Variants in LRRTM2 observed in about 807,000 individuals in gnomAD.
LRRTM2 encodes leucine-rich repeat transmembrane neuronal protein 2.
Under a neutral mutation model 40.7 loss-of-function variants are expected in LRRTM2, and 14 were observed. That is an observed-to-expected ratio of 0.34 (90% CI 0.23 to 0.54). The LOEUF (loss-of-function observed/expected upper bound fraction) is 0.54. LRRTM2 is among the 20% of genes least tolerant of loss of function. The probability of loss-of-function intolerance (pLI) is 0.92; values close to 1 mark genes in which losing one functional copy is unlikely to be tolerated. For synonymous variants in LRRTM2, 223 were observed against 237.6 expected (o/e 0.94, Z 0.57); for missense variants, 468 against 624.4 (o/e 0.75, Z 2.67).
rs1484594740 is a variant in LRRTM2 at position 138,870,751 on chromosome 5, A to G, written c.*2259T>C. The stretch of plus-strand genomic sequence containing the variant: ...TGACCAAGCTGTCTGTCACCTGACA[A>G]ATGGCAATGGTCATCCTGATAAATG... On this transcript the variant is annotated 3_prime_UTR_variant, in exon 2 of 2. Coordinates refer to ENST00000274711, the MANE Select transcript of LRRTM2 (RefSeq NM_015564.3). The G allele has an allele frequency of 6.6e-6, 1 of 152,194 alleles. No individual in the cohort carries two copies. The highest frequency in any genetic ancestry group is 1.5e-5 in the Non-Finnish European group (1 of 68,040). 9.4% of individuals were successfully genotyped at this position (152,194 alleles called of 1,614,324 possible).
Position 138,874,018 on chromosome 5 carries a change from A to T in LRRTM2, c.543T>A (p.Arg181=). 6.2e-7 allele frequency: 1 copy of T among 1,614,022 alleles called. No homozygotes were observed. The highest frequency in any genetic ancestry group is 8.5e-7 in the Non-Finnish European group (1 of 1,179,888). Reference sequence around the variant, plus strand: ...TGCTCAAATCCAGAAACTCCAGACTACGACAGTCCCAGAACAGGCGTACTG... The same window carrying T: ...TGCTCAAATCCAGAAACTCCAGACTTCGACAGTCCCAGAACAGGCGTACTG... ...TIPVRLFWDC[R]SLEFLDLSTN... Residue 181 remains arginine (R), a synonymous_variant, in exon 2 of 2, where the codon CGT becomes CGA. Coordinates refer to ENST00000274711, the MANE Select transcript of LRRTM2 (RefSeq NM_015564.3). The surrounding 1 kb of genome is among the most constrained non-coding windows in gnomAD (Gnocchi z 4.1).
Position 138,874,926 on chromosome 5 carries a change from T to G in LRRTM2, c.-15A>C. Reference sequence around the variant, plus strand: ...GACTTACCCATTCTTCTGAGCACATTGGAGGCTGCATTCAGTCGCGGTTGT... The same window carrying G: ...GACTTACCCATTCTTCTGAGCACATGGGAGGCTGCATTCAGTCGCGGTTGT... On this transcript the variant is annotated 5_prime_UTR_variant, in exon 1 of 2. Transcript: ENST00000274711. The surrounding 1 kb of genome is among the most constrained non-coding windows in gnomAD (Gnocchi z 4.1). 6.2e-7 allele frequency: 1 copy of G among 1,613,698 alleles called. No individual in the cohort carries two copies. The highest frequency in any genetic ancestry group is 8.5e-7 in the Non-Finnish European group (1 of 1,179,756).
Position 138,873,592 on chromosome 5 carries a change from G to T in LRRTM2, c.969C>A (p.Ala323=), listed in dbSNP as rs145134809. 2.9e-4 allele frequency: 464 copies of T among 1,613,972 alleles called. 1 individual carries two copies. In the East Asian group the frequency reaches 9.7e-3, roughly 34 times the overall value. ...WECSARICAL[A]SWLGSFQGRW... ...GACCTTGGAAACTGCCCAGCCAGGA[G>T]GCCAGAGCACATATTCGGGCGCTGC... Residue 323 remains alanine, a synonymous_variant, in exon 2 of 2, where the codon GCC becomes GCA. Transcript: ENST00000274711. The surrounding 1 kb of genome is among the most constrained non-coding windows in gnomAD (Gnocchi z 6.1).
At position 138,873,234 on chromosome 5, in the gene LRRTM2, T is replaced by A; in HGVS notation, c.1327A>T (p.Ile443Phe). 2 of 1,613,832 alleles carry A rather than the reference T, an allele frequency of 1.2e-6. No individual in the cohort carries two copies. Among genetic ancestry groups the A allele is most frequent in the Non-Finnish European group, 1.7e-6 (2 of 1,179,782 alleles). ...SFFFIIFIVF[I>F]SRKCCPPTLR... ...GTGGGAGGGCAGCACTTCCTGGAGA[T>A]GAACACTATAAAAATAATAAAAAAG... The change falls in exon 2 of 2, where the codon ATC (isoleucine) becomes TTC (phenylalanine). Residue 443 changes from isoleucine (I) to phenylalanine (F), a missense_variant. By Grantham distance (21) the Ile-to-Phe change is conservative (BLOSUM62 0). Coordinates refer to ENST00000274711, the MANE Select transcript of LRRTM2 (RefSeq NM_015564.3). This position sits in a 1 kb window ranked among gnomAD's most constrained non-coding sequence, Gnocchi z 6.1.
rs1750727861 is a variant in LRRTM2, at chr5:138,872,170, A to G, written c.*840T>C. The stretch of plus-strand genomic sequence containing the variant: ...TAAATCTTTTTTCACATATTAATGT[A>G]AACATAGGATTTAGTACATTAATTA... On this transcript the variant is annotated 3_prime_UTR_variant, in exon 2 of 2. Coordinates refer to ENST00000274711, the MANE Select transcript of LRRTM2 (RefSeq NM_015564.3). The G allele has an allele frequency of 6.6e-6, 1 of 152,632 alleles. No individual in the cohort carries two copies. Among genetic ancestry groups the G allele is most frequent in the African/African-American group, 2.4e-5 (1 of 41,450 alleles). 9.5% of individuals were successfully genotyped at this position (152,632 alleles called of 1,614,324 possible).
chr5:138,874,258 T>C lies in LRRTM2; in HGVS notation c.303A>G (p.Lys101=). The C allele has an allele frequency of 6.2e-7, 1 of 1,614,044 alleles. No individual in the cohort carries two copies. Among genetic ancestry groups the C allele is most frequent in the African/African-American group, 1.3e-5 (1 of 75,062 alleles). Residue 101 remains lysine (K), a synonymous_variant, in exon 2 of 2, where the codon AAA becomes AAG. Coordinates refer to ENST00000274711, the MANE Select transcript of LRRTM2 (RefSeq NM_015564.3). This position sits in a 1 kb window ranked among gnomAD's most constrained non-coding sequence, Gnocchi z 4.1. ...HLDHNQISTV[K]EDAFQGLYKL... ...TATATAGTCCTTGAAAAGCATCTTC[T>C]TTTACTGTTGAAATTTGATTGTGAT... is the stretch of plus-strand genomic sequence containing the variant.
chr5:138,871,899 C>T lies in LRRTM2; in HGVS notation c.*1111G>A, dbSNP rs929394452. 1.4e-4 allele frequency: 21 copies of T among 151,960 alleles called. No individual in the cohort carries two copies. Among genetic ancestry groups the T allele is most frequent in the African/African-American group, 4.8e-4 (20 of 41,358 alleles). The allele number at this position is 151,960 out of a possible 1,614,324, so 9.4% of individuals were successfully genotyped here. Reference sequence around the variant, plus strand: ...AATACAATAAGAATCAGTGTTAAGCCTGTTGCTAGCCAATTATTTTTAACT... The same window carrying T: ...AATACAATAAGAATCAGTGTTAAGCTTGTTGCTAGCCAATTATTTTTAACT... On this transcript the variant is annotated 3_prime_UTR_variant, in exon 2 of 2. Coordinates refer to ENST00000274711, the MANE Select transcript of LRRTM2 (RefSeq NM_015564.3).
Position 138,875,290 on chromosome 5 carries a change from A to G in LRRTM2, c.-379T>C, listed in dbSNP as rs929225198. 3.5e-6 allele frequency: 2 copies of G among 563,632 alleles called. No individual in the cohort carries two copies. Among genetic ancestry groups the G allele is most frequent in the Non-Finnish European group, 4.6e-6 (2 of 431,878 alleles). The allele number at this position is 563,632 out of a possible 1,614,324, so 34.9% of individuals were successfully genotyped here. A position where few individuals can be genotyped will look rare whatever the true frequency, so the allele number is the denominator to read the frequency against. ...TGCAGAGAAGAGCTCCTGGAGCAGC[A>G]TGAGTGCATTTACTGAAAAGCTTTT... On this transcript the variant is annotated 5_prime_UTR_variant, in exon 1 of 2. The change abolishes an upstream ATG in the 5' untranslated region. Transcript: ENST00000274711.
chr5:138,869,367 T>C lies in LRRTM2; in HGVS notation c.*3643A>G, dbSNP rs1274691358. 6.8e-6 allele frequency: 1 copy of C among 146,802 alleles called. No homozygotes were observed. The highest frequency in any genetic ancestry group is 1.9e-4 in the East Asian group (1 of 5,144). The allele number at this position is 146,802 out of a possible 1,614,324, so 9.1% of individuals were successfully genotyped here. The stretch of plus-strand genomic sequence containing the variant: ...ATTATCTATAGATGGCCTTACTGTC[T>C]CTCTCTCTTTTTTTTTTTTTTTCCT... On this transcript the variant is annotated 3_prime_UTR_variant, in exon 2 of 2. Transcript: ENST00000274711.
rs772215795 is a variant in LRRTM2, at chr5:138,873,613, G to C, written c.948C>G (p.Ser316Arg). The change falls in exon 2 of 2, where the codon AGC becomes AGG. Residue 316 changes from serine to arginine, a missense_variant. Coordinates refer to ENST00000274711, the MANE Select transcript of LRRTM2 (RefSeq NM_015564.3). This position sits in a 1 kb window ranked among gnomAD's most constrained non-coding sequence, Gnocchi z 6.1. Reference sequence around the variant, plus strand: ...AGGAGGCCAGAGCACATATTCGGGCGCTGCATTCCCACAGATTGCCAGAGA... The same window carrying C: ...AGGAGGCCAGAGCACATATTCGGGCCCTGCATTCCCACAGATTGCCAGAGA... ...VGLSGNLWEC[S>R]ARICALASWL... is the part of the protein sequence containing the mutation. 6.2e-7 allele frequency: 1 copy of C among 1,614,004 alleles called. No individual in the cohort carries two copies.
rs1751057821 is a variant in LRRTM2, at chr5:138,874,429, G to C, written c.132C>G (p.Leu44=). The C allele has an allele frequency of 1.2e-6, 2 of 1,613,792 alleles. No individual in the cohort carries two copies. The highest frequency in any genetic ancestry group is 1.3e-5 in the African/African-American group (1 of 74,906). The change falls in exon 2 of 2, where the codon CTC becomes CTG. Residue 44 remains leucine (L), a synonymous_variant. Transcript: ENST00000274711. This position sits in a 1 kb window ranked among gnomAD's most constrained non-coding sequence, Gnocchi z 4.1. ...GGAAGCCCTGAGAGTCGCAGTAGAA[G>C]AGCAGCTTCTCGCAGCGGCATTTGG... ...CPPKCRCEKL[L]FYCDSQGFHS... is the part of the protein sequence containing the mutation.
At position 138,874,469 on chromosome 5, in the gene LRRTM2, C is replaced by A; in HGVS notation, c.92G>T (p.Gly31Val). Reference sequence around the variant, plus strand: ...GCGGCATTTGGGTGGACACGCCATACCCAGGGCAGGCAGCATTTTTAAAAC... The same window carrying A: ...GCGGCATTTGGGTGGACACGCCATAACCAGGGCAGGCAGCATTTTTAAAAC... ...SMVLKMLPAL[G>V]MACPPKCRCE... Residue 31 changes from glycine (G) to valine (V), a missense_variant, in exon 2 of 2, where the codon GGT becomes GTT. Physicochemically the swap from Gly to Val is moderately radical, Grantham distance 109. Coordinates refer to ENST00000274711, the MANE Select transcript of LRRTM2 (RefSeq NM_015564.3). This position sits in a 1 kb window ranked among gnomAD's most constrained non-coding sequence, Gnocchi z 4.1. 6.2e-7 allele frequency: 1 copy of A among 1,613,188 alleles called. No homozygotes were observed. Among genetic ancestry groups the A allele is most frequent in the Non-Finnish European group, 8.5e-7 (1 of 1,179,562 alleles).
At position 138,874,803 on chromosome 5, in the gene LRRTM2, C is replaced by A; in HGVS notation, c.4+105G>T. 8.5e-7 allele frequency: 1 copy of A among 1,179,744 alleles called. No homozygotes were observed. 73.1% of individuals were successfully genotyped at this position (1,179,744 alleles called of 1,614,324 possible). A position where few individuals can be genotyped will look rare whatever the true frequency, so the allele number is the denominator to read the frequency against. On this transcript the variant is annotated intron_variant, in intron 1 of 1. Coordinates refer to ENST00000274711, the MANE Select transcript of LRRTM2 (RefSeq NM_015564.3). The surrounding 1 kb of genome is among the most constrained non-coding windows in gnomAD (Gnocchi z 4.1). ...TATGCTTTTACCTAAACCTCAAAAT[C>A]CAAAATATGATGGTGATTTCCCTCA...
At position 138,872,910 on chromosome 5, in the gene LRRTM2, T is replaced by A. The variant is rs887031316; in HGVS notation, c.*100A>T. On this transcript the variant is annotated 3_prime_UTR_variant, in exon 2 of 2. Transcript: ENST00000274711. ...TAAGTCTCCACTTAGTTTGGAAAAT[T>A]AGGCTTAATGTCACCATTGGTAAAA... 2.5e-6 allele frequency: 2 copies of A among 809,606 alleles called. No homozygotes were observed. Among genetic ancestry groups the A allele is most frequent in the East Asian group, 5.3e-5 (2 of 37,792 alleles). 50.2% of individuals were successfully genotyped at this position (809,606 alleles called of 1,614,324 possible).
At position 138,874,972 on chromosome 5, in the gene LRRTM2, T is replaced by C; in HGVS notation, c.-61A>G. 6.3e-7 allele frequency: 1 copy of C among 1,590,636 alleles called. No individual in the cohort carries two copies. The highest frequency in any genetic ancestry group is 1.1e-5 in the South Asian group (1 of 90,262). On this transcript the variant is annotated 5_prime_UTR_variant, in exon 1 of 2. Transcript: ENST00000274711. The surrounding 1 kb of genome is among the most constrained non-coding windows in gnomAD (Gnocchi z 4.1). ...GTTGTTAGACTCAACGCAGTGAGTC[T>C]GTAAAAGGCTCTAACATGTAGGAGC...
At position 138,874,954 on chromosome 5, in the gene LRRTM2, G is replaced by GACTCA; in HGVS notation, c.-48_-44dup. The GACTCA allele has an allele frequency of 6.2e-7, 1 of 1,611,958 alleles. No homozygotes were observed. ...AGGCTGCATTCAGTCGCGGTTGTTA[G>GACTCA]ACTCAACGCAGTGAGTCTGTAAAAG... On this transcript the variant is annotated 5_prime_UTR_variant, in exon 1 of 2. Coordinates refer to ENST00000274711, the MANE Select transcript of LRRTM2 (RefSeq NM_015564.3). This position sits in a 1 kb window ranked among gnomAD's most constrained non-coding sequence, Gnocchi z 4.1.
rs1309043064 is a variant in LRRTM2 at position 138,870,686 on chromosome 5, G to A, written c.*2324C>T. The A allele has an allele frequency of 6.6e-6, 1 of 152,162 alleles. No homozygotes were observed. The highest frequency in any genetic ancestry group is 2.4e-5 in the African/African-American group (1 of 41,428). 9.4% of individuals were successfully genotyped at this position (152,162 alleles called of 1,614,324 possible). A position where few individuals can be genotyped will look rare whatever the true frequency, so the allele number is the denominator to read the frequency against. ...AAAATACTCCTCTGCTGTCCTTCAG[G>A]GCTGATGGAATCTTGTGTGCTCAGG... is the stretch of plus-strand genomic sequence containing the variant. On this transcript the variant is annotated 3_prime_UTR_variant, in exon 2 of 2. Coordinates refer to ENST00000274711, the MANE Select transcript of LRRTM2 (RefSeq NM_015564.3).
chr5:138,875,289 C>A lies in LRRTM2; in HGVS notation c.-378G>T. The A allele has an allele frequency of 1.8e-6, 1 of 554,384 alleles. No individual in the cohort carries two copies. Among genetic ancestry groups the A allele is most frequent in the Non-Finnish European group, 2.4e-6 (1 of 423,256 alleles). 34.3% of individuals were successfully genotyped at this position (554,384 alleles called of 1,614,324 possible). A position where few individuals can be genotyped will look rare whatever the true frequency, so the allele number is the denominator to read the frequency against. ...TTGCAGAGAAGAGCTCCTGGAGCAGCATGAGTGCATTTACTGAAAAGCTTT... is the reference window on the plus strand; with the variant it reads ...TTGCAGAGAAGAGCTCCTGGAGCAGAATGAGTGCATTTACTGAAAAGCTTT... On this transcript the variant is annotated 5_prime_UTR_variant, in exon 1 of 2. The change abolishes an upstream ATG in the 5' untranslated region. Transcript: ENST00000274711.
rs1000185378 is a variant in LRRTM2 at position 138,871,019 on chromosome 5, G to A, written c.*1991C>T. The A allele has an allele frequency of 4.6e-5, 7 of 152,124 alleles. No individual in the cohort carries two copies. The highest frequency in any genetic ancestry group is 1.7e-4 in the African/African-American group (7 of 41,438). The allele number at this position is 152,124 out of a possible 1,614,324, so 9.4% of individuals were successfully genotyped here. Reference sequence around the variant, plus strand: ...CCTTAAAAAAGAGCACATTTTTACTGTAATTTGTGATCTTGTCTGCTTTTT... The same window carrying A: ...CCTTAAAAAAGAGCACATTTTTACTATAATTTGTGATCTTGTCTGCTTTTT... On this transcript the variant is annotated 3_prime_UTR_variant, in exon 2 of 2. Transcript: ENST00000274711.
Sources: allele counts gnomAD v4.1 joint callset, GRCh38; gene constraint gnomAD v4.1.1; non-coding constraint Gnocchi (gnomAD v3.1); transcripts MANE v1.5; gene names NCBI Gene and HGNC (gene_info 2026-07-23, HGNC 2026-07-21).